NUCB2: variants seen among roughly 807,000 people sequenced by gnomAD.
The protein encoded by NUCB2 is nucleobindin-2.
NUCB2 carries 48 observed loss-of-function variants against 57.9 expected under a neutral mutation model. The ratio of observed to expected loss-of-function variants is 0.83; its 90% CI spans 0.66 to 1.05. NUCB2 has a LOEUF of 1.05. NUCB2 is among the 50% of genes least tolerant of loss of function. NUCB2 has a pLI of 0.00. For missense variants in NUCB2, 442 were observed against 476.2 expected (o/e 0.93, Z 0.67); for synonymous variants, 139 against 152.1 (o/e 0.91, Z 0.64).
chr11:17,282,226 A>C (rs1942756071), intron 1 of NUCB2, among the ~76,000 whole-genome samples: 1 of 61,898 alleles, frequency 1.6e-5, no homozygotes, highest in African/African-American at 4.1e-5. Flanking sequence ...ATATCTATCT[A>C]TCTATCTATC....
chr11:17,306,438 A>G (rs778026386), intron 5 of NUCB2, among the ~76,000 whole-genome samples: 47 of 152,334 alleles, frequency 3.1e-4, no homozygotes, highest in Admixed American at 7.8e-4. Flanking sequence ...GAAATTAAGG[A>G]TATCAATGAG....
At chr11:17,276,972 C>G (rs1236020389) in intron 1 of NUCB2, 144 bp downstream of exon 1, 1 of 152,326 alleles carries the variant, frequency 6.6e-6, no homozygotes, top group African/African-American at 2.4e-5. Flanking sequence ...GGGGCACCGG[C>G]GGGGAGGGGG....
At chr11:17,318,673 A>G (rs2139151784) in intron 11 of NUCB2, among the ~76,000 whole-genome samples, 1 of 152,340 alleles carries the variant, frequency 6.6e-6, no homozygotes, top group East Asian at 1.9e-4. Context: ...CACAAAAGCC[A>G]GTTTGAAGAA....
intron 1 of NUCB2, chr11:17,337,240 T>G (rs748238096): frequency 2.6e-5 from 4 of 152,228 alleles, no homozygotes; most frequent in Non-Finnish European, 5.9e-5. Context: ...TGTTCCTGGC[T>G]GTTAATGTGA....
At chr11:17,333,076 A>G (rs1281811610), downstream of NUCB2, 1 of 152,174 alleles carries the variant, frequency 6.6e-6, no homozygotes, top group Admixed American at 6.5e-5. Flanking sequence ...ATCCATAGCA[A>G]TTTGAAAGTA....
Position 17,310,872 on chromosome 11 carries a change from T to TAAAA in NUCB2, c.534_537dup (p.Tyr180LysfsTer3). ...ATGACAAGACTCGTCATGAAGAATT[T>TAAAA]AAAAAATATGAAATGATGAAGGAAC... is the stretch of plus-strand genomic sequence containing the variant. On this transcript the variant is annotated frameshift_variant, in exon 7 of 14. Coordinates refer to ENST00000529010, the MANE Select transcript of NUCB2 (RefSeq NM_005013.4). LOFTEE classifies it high-confidence loss of function. The TAAAA allele has an allele frequency of 6.3e-7, 1 of 1,593,370 alleles. No homozygotes were observed. The highest frequency in any genetic ancestry group is 1.4e-5 in the African/African-American group (1 of 73,360).
chr11:17,330,373 AT>A lies in NUCB2; in HGVS notation c.1173+79del, dbSNP rs1417023255. 1.8e-4 allele frequency: 197 copies of A among 1,118,400 alleles called. No homozygotes were observed. Among genetic ancestry groups the A allele is most frequent in the South Asian group, 8.1e-4 (52 of 64,040 alleles). 69.3% of individuals were successfully genotyped at this position (1,118,400 alleles called of 1,614,324 possible). A position where few individuals can be genotyped will look rare whatever the true frequency, so the allele number is the denominator to read the frequency against. On this transcript the variant is annotated intron_variant, in intron 12 of 13. Coordinates refer to ENST00000529010, the MANE Select transcript of NUCB2 (RefSeq NM_005013.4). The surrounding 1 kb of genome is among the most constrained non-coding windows in gnomAD (Gnocchi z 4.3). Reference sequence around the variant, plus strand: ...TTAAAAGCCTGTGTTTTTGTAACATATTTCATTGTACTATATAGTACACTGC... The same window carrying A: ...TTAAAAGCCTGTGTTTTTGTAACATATTCATTGTACTATATAGTACACTGC...
intron 2 of NUCB2, among the ~76,000 whole-genome samples, chr11:17,345,513 C>T (rs919103236): frequency 1.3e-5 from 2 of 152,132 alleles, no homozygotes; most frequent in African/African-American, 2.4e-5. Flanking sequence ...TAAAGACCAG[C>T]CTGGCCAAGA....
At chr11:17,327,838 A>G (rs1950889247) in intron 11 of NUCB2, among the ~76,000 whole-genome samples, 2 of 152,032 alleles carry the variant, frequency 1.3e-5, no homozygotes, top group Admixed American at 1.3e-4. Flanking sequence ...TCTCTGTGTT[A>G]CCTTGAATTT....
chr11:17,303,398 AATATT>A (rs1198807856), intron 5 of NUCB2, among the ~76,000 whole-genome samples: 1 of 152,210 alleles, frequency 6.6e-6, no homozygotes, highest in Admixed American at 6.5e-5. Flanking sequence ...TAGGAAATCT[AATATT>A]ATAAATCATC....
At chr11:17,324,125 A>T (rs1950361919) in intron 11 of NUCB2, among the ~76,000 whole-genome samples, 1 of 151,968 alleles carries the variant, frequency 6.6e-6, no homozygotes, top group Admixed American at 6.6e-5. Context: ...TTGCTTTTCC[A>T]GTTAAGATGC....
chr11:17,333,755 A>C (rs938356988), downstream of NUCB2: 1 of 152,358 alleles, frequency 6.6e-6, no homozygotes. Flanking sequence ...TAGCTCCCTC[A>C]GAGCCTTTAC....
chr11:17,302,883 C>T (rs138047648), intron 5 of NUCB2, among the ~76,000 whole-genome samples: 12 of 152,224 alleles, frequency 7.9e-5, no homozygotes, highest in African/African-American at 1.9e-4. Flanking sequence ...GGACTACAGG[C>T]GCCCACTACC....
chr11:17,324,676 C>T (rs543376596), intron 11 of NUCB2, among the ~76,000 whole-genome samples: 32 of 152,220 alleles, frequency 2.1e-4, no homozygotes, highest in African/African-American at 7.0e-4. Context: ...TCAAGTGATC[C>T]GCCCACCTTG....
intron 4 of NUCB2, among the ~76,000 whole-genome samples, chr11:17,296,811 C>A (rs973273912): frequency 2.0e-5 from 3 of 152,036 alleles, no homozygotes; most frequent in Non-Finnish European, 4.4e-5. Flanking sequence ...GACAGAGGGC[C>A]TGTATATCAT....
At chr11:17,316,202 C>T (rs1949223403) in intron 11 of NUCB2, among the ~76,000 whole-genome samples, 1 of 152,106 alleles carries the variant, frequency 6.6e-6, no homozygotes, top group South Asian at 2.1e-4. Flanking sequence ...GAACTCCTGA[C>T]CTCGTGATTC....
intron 2 of NUCB2, among the ~76,000 whole-genome samples, chr11:17,288,807 AGCCTCCCAAAG>A (rs1944285309): frequency 1.3e-5 from 2 of 148,656 alleles, no homozygotes; most frequent in Admixed American, 1.4e-4. Context: ...CACCCACCTC[AGCCTCCCAAAG>A]TGTTGGGATT....
At chr11:17,298,056 T>TG (rs1946109523) in intron 4 of NUCB2, among the ~76,000 whole-genome samples, 1 of 122,754 alleles carries the variant, frequency 8.1e-6, no homozygotes, top group Non-Finnish European at 1.6e-5. Flanking sequence ...CACTTCAGCC[T>TG]GGGCAACAGA....
chr11:17,295,825 A>C (rs1313166564), intron 3 of NUCB2, among the ~76,000 whole-genome samples: 1 of 152,244 alleles, frequency 6.6e-6, no homozygotes, highest in African/African-American at 2.4e-5. Flanking sequence ...GGAGAAACCA[A>C]AGTGGTAAAA....
Sources: gnomAD v4.1 joint callset for allele counts (sites outside exome capture counted in the v4.1 genomes callset) on GRCh38, gnomAD v4.1.1 for gene constraint, Gnocchi (gnomAD v3.1) non-coding constraint, MANE v1.5 for transcripts, NCBI Gene and HGNC (gene_info 2026-07-23, HGNC 2026-07-21) for gene names.